ALMS1: variants seen among roughly 807,000 people sequenced by gnomAD.
The protein encoded by ALMS1 is ALMS1 centrosome and basal body associated protein, also known as centrosome-associated protein ALMS1.
ALMS1 carries 271 observed loss-of-function variants against 352.2 expected under a neutral mutation model. The ratio of observed to expected loss-of-function variants is 0.77; its 90% CI spans 0.70 to 0.85. The LOEUF (loss-of-function observed/expected upper bound fraction) is 0.85, where lower values mean the gene tolerates loss of function less well. Among genes scored for constraint, ALMS1 ranks in the 40% least tolerant of loss-of-function variants. The pLI is 0.00. For missense variants in ALMS1, 5,445 were observed against 4,870.7 expected (o/e 1.12, Z -3.51); for synonymous variants, 1,865 against 1,761.2 (o/e 1.06, Z -1.48).
intron 17 of ALMS1, among the ~76,000 whole-genome samples, chr2:73,599,903 A>G (rs1314795876): frequency 6.6e-6 from 1 of 152,254 alleles, no homozygotes; most frequent in African/African-American, 2.4e-5. Context: ...ATTAACCACT[A>G]AAACATTGTT....
chr2:73,577,651 T>C (rs939383249), intron 16 of ALMS1, among the ~76,000 whole-genome samples: 1 of 152,196 alleles, frequency 6.6e-6, no homozygotes, highest in Non-Finnish European at 1.5e-5. Flanking sequence ...AAATGTTTGC[T>C]GATTTCTTCT....
chr2:73,448,029 C>T lies in ALMS1; in HGVS notation c.1502C>T (p.Pro501Leu), dbSNP rs774234846. The T allele has an allele frequency of 1.2e-6, 2 of 1,613,930 alleles. No homozygotes were observed. The highest frequency in any genetic ancestry group is 2.2e-5 in the East Asian group (1 of 44,886). ...SNLKSGITTTPVDSDIGSHLS... is the reference protein window; with the variant it reads ...SNLKSGITTTLVDSDIGSHLS... ...TTGAAGTCAGGCATCACTACCACTC[C>T]TGTTGATTCAGACATTGGATCTCAT... The change falls in exon 8 of 23, where the codon CCT (proline) becomes CTT (leucine). Residue 501 changes from proline to leucine, a missense_variant. By Grantham distance (98) the Pro-to-Leu change is moderately conservative. Transcript: ENST00000613296.
chr2:73,481,209 A>G (rs182969377), intron 9 of ALMS1, among the ~76,000 whole-genome samples: 9,120 of 152,082 alleles, frequency 0.06, 670 homozygotes, highest in African/African-American at 0.16. Context: ...TATGGTTTTC[A>G]GTCTAACATG....
At chr2:73,559,579 G>A (rs750850874) in intron 15 of ALMS1, among the ~76,000 whole-genome samples, 14 of 151,908 alleles carry the variant, frequency 9.2e-5, no homozygotes, top group African/African-American at 1.7e-4. Context: ...ACATAAAAGC[G>A]TATAGAACAC....
intron 13 of ALMS1, among the ~76,000 whole-genome samples, chr2:73,553,341 A>T (rs1346234841): frequency 6.6e-6 from 1 of 152,208 alleles, no homozygotes; most frequent in African/African-American, 2.4e-5. Context: ...GAGGAAATGG[A>T]GGGGGCCAAC....
At chr2:73,391,507 A>G (rs1359113905) in intron 1 of ALMS1, among the ~76,000 whole-genome samples, 1 of 151,594 alleles carries the variant, frequency 6.6e-6, no homozygotes, top group Non-Finnish European at 1.5e-5. Flanking sequence ...GTTAGCCAGG[A>G]TGGTCTCCAT....
At chr2:73,485,671 G>C (rs912983980) in intron 9 of ALMS1, among the ~76,000 whole-genome samples, 1 of 152,158 alleles carries the variant, frequency 6.6e-6, no homozygotes, top group African/African-American at 2.4e-5. Context: ...CCCTCCCCCA[G>C]CCTCGCTGCC....
In ALMS1 at chr2:73,451,924, A is replaced by G. The variant is rs2103786364; in HGVS notation, c.5397A>G (p.Ser1799=). Residue 1799 remains serine (S), a synonymous_variant, in exon 8 of 23, where the codon TCA becomes TCG. Coordinates refer to ENST00000613296, the MANE Select transcript of ALMS1 (RefSeq NM_001378454.1). Reference sequence around the variant, plus strand: ...CAGCTGACCAGAAGACTGGGGTATCAACAGTAACCTCTACTTCCTACTCAC... The same window carrying G: ...CAGCTGACCAGAAGACTGGGGTATCGACAGTAACCTCTACTTCCTACTCAC... ...PGPADQKTGV[S]TVTSTSYSHR... is the part of the protein sequence containing the mutation. 2 of 1,614,012 alleles carry G rather than the reference A, an allele frequency of 1.2e-6. No homozygotes were observed. Among genetic ancestry groups the G allele is most frequent in the Non-Finnish European group, 1.7e-6 (2 of 1,179,954 alleles).
At position 73,451,374 on chromosome 2, in the gene ALMS1, G is replaced by C; in HGVS notation, c.4847G>C (p.Gly1616Ala). 6.2e-7 allele frequency: 1 copy of C among 1,613,394 alleles called. No individual in the cohort carries two copies. The highest frequency in any genetic ancestry group is 8.5e-7 in the Non-Finnish European group (1 of 1,179,816). ...KKTDIPAGPL[G>A]SSALGEKPIT... ...ACTGACATACCAGCAGGACCTTTAG[G>C]TTCCAGTGCACTTGGAGAGAAGCCC... Residue 1616 changes from glycine (G) to alanine (A), a missense_variant, in exon 8 of 23, where the codon GGT becomes GCT. Physicochemically the swap from Gly to Ala is moderately conservative, Grantham distance 60. Coordinates refer to ENST00000613296, the MANE Select transcript of ALMS1 (RefSeq NM_001378454.1).
chr2:73,572,932 C>A lies in ALMS1; in HGVS notation c.11055C>A (p.Ser3685Arg). ...KKKRFKSLEK[S>R]HKNTGELKKS... is the part of the protein sequence containing the mutation. ...AGCGGTTTAAAAGCCTAGAGAAAAGCCATAAAAATACAGGCGAGCTTAAAA... is the reference window on the plus strand; with the variant it reads ...AGCGGTTTAAAAGCCTAGAGAAAAGACATAAAAATACAGGCGAGCTTAAAA... Residue 3685 changes from serine to arginine, a missense_variant, in exon 16 of 23, where the codon AGC becomes AGA. By Grantham distance (110) the Ser-to-Arg change is moderately radical. Transcript: ENST00000613296. The A allele has an allele frequency of 1.2e-6, 2 of 1,613,944 alleles. No homozygotes were observed.
At chr2:73,597,470 A>ATGTTAGG (rs1421798827) in intron 16 of ALMS1, among the ~76,000 whole-genome samples, 1 of 152,192 alleles carries the variant, frequency 6.6e-6, no homozygotes, top group Non-Finnish European at 1.5e-5. Flanking sequence ...TTTAGTACCT[A>ATGTTAGG]ACATGCTTTC....
chr2:73,522,495 G>A (rs1397893114), intron 11 of ALMS1, among the ~76,000 whole-genome samples: 2 of 138,678 alleles, frequency 1.4e-5, no homozygotes, highest in East Asian at 4.3e-4. Context: ...TTTTGAGATG[G>A]AGTCTCACTC....
chr2:73,424,563 C>G lies in ALMS1; in HGVS notation c.898C>G (p.Leu300Val), dbSNP rs1671341866. The change falls in exon 5 of 23, where the codon CTT becomes GTT. Residue 300 changes from leucine to valine, a missense_variant. Physicochemically the swap from Leu to Val is conservative, Grantham distance 32 (BLOSUM62 1). Coordinates refer to ENST00000613296, the MANE Select transcript of ALMS1 (RefSeq NM_001378454.1). ...TCGCTTTAGTGTATCTCAGCACCCGCTTATAGGCAGCACAGCTGTTGGGTC... is the reference window on the plus strand; with the variant it reads ...TCGCTTTAGTGTATCTCAGCACCCGGTTATAGGCAGCACAGCTGTTGGGTC... ...SSRFSVSQHP[L>V]IGSTAVGSQC... 6.2e-7 allele frequency: 1 copy of G among 1,613,980 alleles called. No homozygotes were observed. Among genetic ancestry groups the G allele is most frequent in the African/African-American group, 1.3e-5 (1 of 75,042 alleles).
chr2:73,448,059 C>T lies in ALMS1; in HGVS notation c.1532C>T (p.Ser511Phe), dbSNP rs1277792265. Residue 511 changes from serine to phenylalanine, a missense_variant, in exon 8 of 23, where the codon TCC becomes TTC. Coordinates refer to ENST00000613296, the MANE Select transcript of ALMS1 (RefSeq NM_001378454.1). ...GATTCAGACATTGGATCTCATTTAT[C>T]CTTGTCCCTTGAGGACCTGTCTCAG... ...PVDSDIGSHL[S>F]LSLEDLSQLA... 4 of 1,613,790 alleles carry T rather than the reference C, an allele frequency of 2.5e-6. No homozygotes were observed. Among genetic ancestry groups the T allele is most frequent in the African/African-American group, 1.3e-5 (1 of 74,920 alleles).
intron 7 of ALMS1, among the ~76,000 whole-genome samples, chr2:73,433,346 C>A (rs1025494594): frequency 1.4e-5 from 2 of 147,830 alleles, no homozygotes; most frequent in African/African-American, 5.3e-5. Flanking sequence ...GAGTTGATCA[C>A]CTATTGGTTT....
intron 9 of ALMS1, among the ~76,000 whole-genome samples, chr2:73,485,540 C>G (rs1052896403): frequency 1.3e-5 from 2 of 152,238 alleles, no homozygotes; most frequent in African/African-American, 4.8e-5. Flanking sequence ...TGTCTGTGCC[C>G]TTCCTCCAGA....
At chr2:73,508,822 T>G (rs985655072) in intron 10 of ALMS1, among the ~76,000 whole-genome samples, 1 of 152,180 alleles carries the variant, frequency 6.6e-6, no homozygotes. Context: ...ACAATGGGGC[T>G]TTAAAGTCTC....
chr2:73,451,532 G>A lies in ALMS1; in HGVS notation c.5005G>A (p.Gly1669Arg), dbSNP rs1471048301. The change falls in exon 8 of 23, where the codon GGG (glycine) becomes AGG (arginine). Residue 1669 changes from glycine (G) to arginine (R), a missense_variant. Physicochemically the swap from Gly to Arg is moderately radical, Grantham distance 125 (BLOSUM62 -2). Coordinates refer to ENST00000613296, the MANE Select transcript of ALMS1 (RefSeq NM_001378454.1). ...ACATTCTACTAGCTACTCAAATAGG[G>A]GGAAGCCTGTCATTTTCTACCAGCA... ...PVHSTSYSNR[G>R]KPVIFYQQTL... 3.1e-6 allele frequency: 5 copies of A among 1,613,800 alleles called. No individual in the cohort carries two copies. Among genetic ancestry groups the A allele is most frequent in the Non-Finnish European group, 4.2e-6 (5 of 1,179,968 alleles).
At position 73,573,090 on chromosome 2, in the gene ALMS1, G is replaced by C. The variant is rs200378498; in HGVS notation, c.11213G>C (p.Arg3738Pro). Residue 3738 changes from arginine to proline, a missense_variant, in exon 16 of 23, where the codon CGG (arginine) becomes CCG (proline). Arg to Pro is a moderately radical substitution (Grantham distance 103). Coordinates refer to ENST00000613296, the MANE Select transcript of ALMS1 (RefSeq NM_001378454.1). ...NYISNTSSDC[R>P]PSEESELLTD... ...ATAAGCAACACTTCTTCGGATTGTC[G>C]GCCCTCAGAGGAGAGTGAGCTGCTC... 3.7e-6 allele frequency: 6 copies of C among 1,613,868 alleles called. No individual in the cohort carries two copies. The highest frequency in any genetic ancestry group is 1.6e-4 in the Middle Eastern group (1 of 6,062).
Sources: allele counts gnomAD v4.1 joint callset (sites outside exome capture counted in the v4.1 genomes callset), GRCh38; gene constraint gnomAD v4.1.1; transcripts MANE v1.5; gene names NCBI Gene and HGNC (gene_info 2026-07-23, HGNC 2026-07-21).